ULK4: variants seen among roughly 807,000 people sequenced by gnomAD.
The protein encoded by ULK4 is inactive serine/threonine-protein kinase ULK4.
ULK4 carries 133 observed loss-of-function variants against 160.6 expected under a neutral mutation model. The observed-to-expected ratio is 0.83, with a 90% CI of 0.72 to 0.96. The LOEUF (loss-of-function observed/expected upper bound fraction) is 0.96. Among genes scored for constraint, ULK4 ranks in the 40% least tolerant of loss-of-function variants. The pLI is 0.00. For synonymous variants in ULK4, 534 were observed against 539.8 expected (o/e 0.99, Z 0.15); for missense variants, 1,580 against 1,499.5 (o/e 1.05, Z -0.89).
chr3:41,856,374 A>G (rs2042335540), intron 17 of ULK4, among the ~76,000 whole-genome samples: 1 of 151,440 alleles, frequency 6.6e-6, no homozygotes, highest in African/African-American at 2.4e-5. Context: ...GAAATAATCA[A>G]ACACTGTGTC....
chr3:41,394,160 C>T (rs1490689756), intron 35 of ULK4, among the ~76,000 whole-genome samples: 4 of 151,956 alleles, frequency 2.6e-5, no homozygotes, highest in African/African-American at 9.7e-5. Flanking sequence ...ATAACAAGAC[C>T]GACCACATTA....
At position 41,774,993 on chromosome 3, in the gene ULK4, G is replaced by A. The variant is rs562909707; in HGVS notation, c.2193+14668C>T. Among the ~76,000 whole-genome samples the A allele has an allele frequency of 1.0e-3, 148 of 148,004 alleles. 9 individuals carry two copies. Among genetic ancestry groups the A allele is most frequent in the African/African-American group, 3.6e-3 (141 of 38,732 alleles). On this transcript the variant is annotated intron_variant, in intron 21 of 36. Transcript: ENST00000301831. ...AAGGACAAAAAACCAAACACCGCAT[G>A]TTCTCACTCATAGGTGGGAATTGAA...
At chr3:41,607,772 T>A (rs2032447595) in intron 31 of ULK4, among the ~76,000 whole-genome samples, 2 of 152,116 alleles carry the variant, frequency 1.3e-5, no homozygotes, top group Non-Finnish European at 2.9e-5. Context: ...TTAAATAGAA[T>A]AAAAAATACC....
chr3:41,735,687 TTTATTA>T (rs10652302), intron 22 of ULK4, among the ~76,000 whole-genome samples: 53 of 144,522 alleles, frequency 3.7e-4, no homozygotes, highest in Non-Finnish European at 5.1e-4. Flanking sequence ...CTAAGTCCAT[TTTATTA>T]TTATTATTAT....
At chr3:41,300,864 T>TATACAC (rs2079779929) in intron 35 of ULK4, among the ~76,000 whole-genome samples, 2 of 114,092 alleles carry the variant, frequency 1.8e-5, no homozygotes, top group South Asian at 5.3e-4. Flanking sequence ...TATATATATA[T>TATACAC]ATATATATAT....
intron 35 of ULK4, among the ~76,000 whole-genome samples, chr3:41,382,728 A>T (rs886769111): frequency 1.3e-5 from 2 of 152,072 alleles, no homozygotes; most frequent in East Asian, 3.9e-4. Context: ...AACTTAAAAT[A>T]CTCTCTTGGA....
At chr3:41,650,044 C>T (rs1023151036) in intron 30 of ULK4, among the ~76,000 whole-genome samples, 1 of 152,020 alleles carries the variant, frequency 6.6e-6, no homozygotes, top group African/African-American at 2.4e-5. Flanking sequence ...TCGGGACAAC[C>T]TGCCTGTGGA....
chr3:41,668,092 T>C (rs35928244), intron 29 of ULK4, among the ~76,000 whole-genome samples: 3 of 152,112 alleles, frequency 2.0e-5, no homozygotes, highest in Admixed American at 6.5e-5. Flanking sequence ...TCCAATTTTG[T>C]TGAGAGGAGG....
At chr3:41,470,076 A>G (rs111555748) in intron 32 of ULK4, among the ~76,000 whole-genome samples, 3,113 of 150,198 alleles carry the variant, frequency 0.021, 34 homozygotes, top group Non-Finnish European at 0.032. Flanking sequence ...CTAATGGCTG[A>G]AAACTTCTTT....
At chr3:41,564,521 C>A (rs1306781757) in intron 32 of ULK4, among the ~76,000 whole-genome samples, 11 of 134,544 alleles carry the variant, frequency 8.2e-5, no homozygotes, top group African/African-American at 2.9e-4. Flanking sequence ...TGCAGTGGTG[C>A]AATCTCGGCT....
intron 32 of ULK4, among the ~76,000 whole-genome samples, chr3:41,532,028 T>C (rs1377704546): frequency 6.6e-6 from 1 of 152,178 alleles, no homozygotes; most frequent in Non-Finnish European, 1.5e-5. Flanking sequence ...ACCGGTCTAA[T>C]CTATACAAGT....
At chr3:41,283,159 A>T (rs1181977275) in intron 35 of ULK4, among the ~76,000 whole-genome samples, 1 of 152,226 alleles carries the variant, frequency 6.6e-6, no homozygotes, top group African/African-American at 2.4e-5. Context: ...CAGATGCTGG[A>T]AAGGATGTGG....
intron 32 of ULK4, among the ~76,000 whole-genome samples, chr3:41,470,044 A>AAAAAAAC (rs1415943037): frequency 6.0e-5 from 7 of 116,682 alleles, no homozygotes; most frequent in Admixed American, 8.3e-5. Context: ...AAAAAAAAAA[A>AAAAAAAC]AACAAAGTAT....
intron 31 of ULK4, among the ~76,000 whole-genome samples, chr3:41,606,353 A>G (rs2032383600): frequency 6.6e-6 from 1 of 152,016 alleles, no homozygotes; most frequent in Non-Finnish European, 1.5e-5. Context: ...CTGCATATAC[A>G]TGCCACATTT....
At chr3:41,493,294 G>A (rs1217076979) in intron 32 of ULK4, among the ~76,000 whole-genome samples, 4 of 145,036 alleles carry the variant, frequency 2.8e-5, no homozygotes, top group Non-Finnish European at 4.6e-5. Flanking sequence ...CGGCTCAACT[G>A]CATGGAAACT....
At chr3:41,406,401 T>C (rs1376780308) in intron 34 of ULK4, among the ~76,000 whole-genome samples, 4 of 152,252 alleles carry the variant, frequency 2.6e-5, no homozygotes, top group African/African-American at 9.6e-5. Flanking sequence ...TTGGTTAATA[T>C]GATACTTCCA....
chr3:41,672,611 A>C (rs929218666), intron 29 of ULK4, among the ~76,000 whole-genome samples: 21 of 152,198 alleles, frequency 1.4e-4, no homozygotes, highest in Admixed American at 1.2e-3. Flanking sequence ...AGTTAACTAG[A>C]AGGAATAGTT....
intron 2 of ULK4, among the ~76,000 whole-genome samples, chr3:41,953,720 C>T (rs1700380013): frequency 6.6e-6 from 1 of 152,026 alleles, no homozygotes; most frequent in South Asian, 2.1e-4. Flanking sequence ...TTCCTAAATA[C>T]ACCAAATTCA....
At chr3:41,354,153 G>C (rs1575461036) in intron 35 of ULK4, among the ~76,000 whole-genome samples, 1 of 152,208 alleles carries the variant, frequency 6.6e-6, no homozygotes, top group Non-Finnish European at 1.5e-5. Context: ...CTGAATGCAA[G>C]GGAGGCTGGG....
Sources: allele counts gnomAD v4.1 joint callset (sites outside exome capture counted in the v4.1 genomes callset), GRCh38; gene constraint gnomAD v4.1.1; transcripts MANE v1.5; gene names NCBI Gene and HGNC (gene_info 2026-07-23, HGNC 2026-07-21).